The following SUSD6 variants were observed in gnomAD, a reference collection of about 807,000 sequenced individuals.
SUSD6 encodes sushi domain containing 6.
A neutral mutation model predicts 28.4 loss-of-function variants in SUSD6; 16 were observed. The observed-to-expected ratio is 0.56, with a 90% confidence interval of 0.38 to 0.86. The LOEUF (loss-of-function observed/expected upper bound fraction) is 0.86, where lower values mean the gene tolerates loss of function less well. Ranked by LOEUF, SUSD6 falls within the 40% of genes least tolerant of loss-of-function variation. The probability of loss-of-function intolerance (pLI) is 0.00; values close to 1 mark genes in which losing one functional copy is unlikely to be tolerated. For missense variants in SUSD6, 341 were observed against 384.2 expected (o/e 0.89, Z 0.94); for synonymous variants, 147 against 159.6 (o/e 0.92, Z 0.59).
intron 1 of SUSD6, among the ~76,000 whole-genome samples, chr14:69,641,036 T>A (rs1885343864): frequency 2.0e-5 from 3 of 152,220 alleles, no homozygotes; most frequent in Admixed American, 2.0e-4. Flanking sequence ...TTCCTAAATA[T>A]TATTCCAGTG....
chr14:69,658,687 C>T lies in SUSD6; in HGVS notation c.95C>T (p.Thr32Ile). Residue 32 changes from threonine to isoleucine, a missense_variant, in exon 2 of 6, where the codon ACC becomes ATC. Thr to Ile is a moderately conservative substitution (Grantham distance 89). Coordinates refer to ENST00000342745, the MANE Select transcript of SUSD6 (RefSeq NM_014734.4). ...GVFLPLVILC[T>I]LLGDGLASVC... ...TTCCTTCCGCTAGTGATCCTTTGCACCCTGCTTGGAGACGGACTTGCTTCC... is the reference window on the plus strand; with the variant it reads ...TTCCTTCCGCTAGTGATCCTTTGCATCCTGCTTGGAGACGGACTTGCTTCC... 1.2e-6 allele frequency: 2 copies of T among 1,614,048 alleles called. No individual in the cohort carries two copies. The highest frequency in any genetic ancestry group is 1.7e-6 in the Non-Finnish European group (2 of 1,179,950).
intron 1 of SUSD6, among the ~76,000 whole-genome samples, chr14:69,634,826 G>A (rs1323544605): frequency 6.6e-6 from 1 of 152,154 alleles, no homozygotes; most frequent in African/African-American, 2.4e-5. Flanking sequence ...TTGGGATGAA[G>A]GGATATAACA....
intron 1 of SUSD6, among the ~76,000 whole-genome samples, chr14:69,623,356 G>T (rs559453360): frequency 2.3e-4 from 35 of 152,274 alleles, no homozygotes; most frequent in African/African-American, 8.4e-4. Context: ...TTGTAGCCAT[G>T]GTAAGGTCAT....
chr14:69,631,970 G>A (rs558228899), intron 1 of SUSD6, among the ~76,000 whole-genome samples: 1 of 152,210 alleles, frequency 6.6e-6, no homozygotes. Flanking sequence ...CCACCAAGGT[G>A]TTAATACCAA....
At chr14:69,657,516 T>A (rs1885600874) in intron 1 of SUSD6, among the ~76,000 whole-genome samples, 1 of 151,840 alleles carries the variant, frequency 6.6e-6, no homozygotes, top group Non-Finnish European at 1.5e-5. Flanking sequence ...GCATCCTTTA[T>A]TAGGGTTATA....
chr14:69,656,535 T>C (rs565692948), intron 1 of SUSD6, among the ~76,000 whole-genome samples: 1 of 152,328 alleles, frequency 6.6e-6, no homozygotes, highest in South Asian at 2.1e-4. Flanking sequence ...TAATTTGGCA[T>C]CTGTCAAATG....
chr14:69,664,662 C>T (rs1337143143), intron 2 of SUSD6, among the ~76,000 whole-genome samples: 1 of 152,142 alleles, frequency 6.6e-6, no homozygotes, highest in Non-Finnish European at 1.5e-5. Flanking sequence ...TGGTACCACC[C>T]TCGCACTGTA....
intron 1 of SUSD6, among the ~76,000 whole-genome samples, chr14:69,652,789 G>T (rs987721158): frequency 1.3e-5 from 2 of 152,154 alleles, no homozygotes; most frequent in African/African-American, 4.8e-5. Flanking sequence ...GCAGGCTCTT[G>T]GGTTAACTTG....
chr14:69,616,492 A>G (rs940169823), intron 1 of SUSD6, among the ~76,000 whole-genome samples: 1 of 152,224 alleles, frequency 6.6e-6, no homozygotes, highest in Non-Finnish European at 1.5e-5. Context: ...TGTTTATCCA[A>G]TTCTTCCTTT....
intron 2 of SUSD6, among the ~76,000 whole-genome samples, chr14:69,665,651 A>G (rs760526838): frequency 6.6e-6 from 1 of 152,252 alleles, no homozygotes; most frequent in African/African-American, 2.4e-5. Flanking sequence ...ACCTCAAAAT[A>G]GTAAATACCA....
rs1305070038 is a variant in SUSD6 at position 69,708,801 on chromosome 14, A to C, written c.583A>C (p.Arg195=). ...TCACTGTGTGCCACCTGCTGACCCC[A>C]GAGTACAGATTGTGCTGTCAGAAGG... is the stretch of plus-strand genomic sequence containing the variant. ...SGHCVPPADP[R]VQIVLSEGSG... Residue 195 remains arginine (R), a synonymous_variant, in exon 5 of 6, where the codon AGA becomes CGA. Coordinates refer to ENST00000342745, the MANE Select transcript of SUSD6 (RefSeq NM_014734.4). 6.2e-7 allele frequency: 1 copy of C among 1,614,220 alleles called. No homozygotes were observed.
intron 1 of SUSD6, among the ~76,000 whole-genome samples, chr14:69,636,397 T>A (rs1261187770): frequency 6.6e-6 from 1 of 152,182 alleles, no homozygotes; most frequent in South Asian, 2.1e-4. Context: ...TTCTCACAGT[T>A]AAGGTAGTGT....
At chr14:69,625,702 C>G (rs2139593920) in intron 1 of SUSD6, among the ~76,000 whole-genome samples, 1 of 152,288 alleles carries the variant, frequency 6.6e-6, no homozygotes, top group East Asian at 1.9e-4. Context: ...CCAGAGTGAT[C>G]AAAAGGAGAG....
At chr14:69,681,091 A>G (rs769362521) in intron 2 of SUSD6, among the ~76,000 whole-genome samples, 109 of 152,208 alleles carry the variant, frequency 7.2e-4, no homozygotes, top group Non-Finnish European at 2.6e-4. Flanking sequence ...TGATATCCTT[A>G]TAAATTGTCT....
At chr14:69,687,224 C>T (rs144891733) in intron 2 of SUSD6, among the ~76,000 whole-genome samples, 3 of 152,334 alleles carry the variant, frequency 2.0e-5, no homozygotes, top group African/African-American at 7.2e-5. Context: ...ATCTGCCTGC[C>T]TTGGTCTCCC....
intron 2 of SUSD6, among the ~76,000 whole-genome samples, chr14:69,695,702 T>TG (rs1420567840): frequency 6.6e-6 from 1 of 152,220 alleles, no homozygotes; most frequent in Non-Finnish European, 1.5e-5. Flanking sequence ...GCCACCCACC[T>TG]GCTGGGTGAA....
At chr14:69,677,686 A>T (rs1273636425) in intron 2 of SUSD6, among the ~76,000 whole-genome samples, 1 of 152,210 alleles carries the variant, frequency 6.6e-6, no homozygotes, top group Non-Finnish European at 1.5e-5. Context: ...GGGTGAGTAG[A>T]AACAGATCTG....
chr14:69,681,556 C>T (rs772992317), intron 2 of SUSD6, among the ~76,000 whole-genome samples: 7 of 152,132 alleles, frequency 4.6e-5, no homozygotes, highest in East Asian at 1.9e-4. Flanking sequence ...GGGACGGCCC[C>T]GTAGGGGGAT....
chr14:69,688,672 C>T (rs1000614365), intron 2 of SUSD6, among the ~76,000 whole-genome samples: 2 of 152,202 alleles, frequency 1.3e-5, no homozygotes, highest in Admixed American at 1.3e-4. Flanking sequence ...CTGGAAAACT[C>T]GCAATGGATT....
Sources: allele counts gnomAD v4.1 joint callset (sites outside exome capture counted in the v4.1 genomes callset), GRCh38; gene constraint gnomAD v4.1.1; transcripts MANE v1.5; gene names NCBI Gene and HGNC (gene_info 2026-07-23, HGNC 2026-07-21).